Variants in TTC7A observed in about 807,000 individuals in gnomAD.
The protein encoded by TTC7A is tetratricopeptide repeat protein 7A.
In TTC7A, 110 loss-of-function variants were observed where a neutral mutation model predicts 103.7. That is an observed-to-expected ratio of 1.06 (90% CI 0.91 to 1.24). TTC7A has a LOEUF of 1.24. Ranked by LOEUF, TTC7A falls within the 50% of genes most tolerant of loss-of-function variation. TTC7A has a pLI of 0.00. For missense variants in TTC7A, 1,340 were observed against 1,116.3 expected (o/e 1.20, Z -2.86); for synonymous variants, 521 against 467.9 (o/e 1.11, Z -1.47).
At chr2:47,008,468 G>A (rs564961373) in intron 10 of TTC7A, among the ~76,000 whole-genome samples, 62 of 152,354 alleles carry the variant, frequency 4.1e-4, no homozygotes, top group African/African-American at 1.4e-3. Context: ...CAGCATCCAG[G>A]GAGCTGGTTT....
intron 18 of TTC7A, chr2:47,054,086 T>C (rs1683121990): frequency 1.0e-6 from 1 of 983,516 alleles, no homozygotes. Flanking sequence ...GTCATTGTCT[T>C]AGATATTCAC....
chr2:46,944,374 GTTTTTTTTTTTT>G (rs34191565), intron 1 of TTC7A, among the ~76,000 whole-genome samples: 1 of 88,944 alleles, frequency 1.1e-5, no homozygotes, highest in Non-Finnish European at 2.0e-5. Flanking sequence ...GGTATTTTGG[GTTTTTTTTTTTT>G]TTTTTTTTTT....
intron 8 of TTC7A, chr2:46,999,729 G>C (rs1676598839): frequency 2.0e-6 from 2 of 985,460 alleles, no homozygotes; most frequent in Middle Eastern, 5.2e-4. Flanking sequence ...GGAACTAGGA[G>C]ATACAGGAAT....
chr2:47,026,060 C>T (rs943553193), intron 14 of TTC7A, among the ~76,000 whole-genome samples: 1 of 152,220 alleles, frequency 6.6e-6, no homozygotes, highest in Non-Finnish European at 1.5e-5. Flanking sequence ...GCCAGGCCAG[C>T]GGAGCCAGTG....
chr2:46,953,807 CT>C (rs1671608105), intron 2 of TTC7A, among the ~76,000 whole-genome samples: 1 of 149,862 alleles, frequency 6.7e-6, no homozygotes, highest in Non-Finnish European at 1.5e-5. Context: ...ATTTCTTTTT[CT>C]TTCTTTCTTT....
chr2:46,963,320 G>C (rs774495979), intron 3 of TTC7A, among the ~76,000 whole-genome samples: 21 of 152,260 alleles, frequency 1.4e-4, no homozygotes, highest in Admixed American at 8.5e-4. Context: ...AGTGCTGCTT[G>C]TAAGGCTTAT....
At chr2:47,053,372 C>A (rs1056952240) in intron 18 of TTC7A, among the ~76,000 whole-genome samples, 1 of 152,336 alleles carries the variant, frequency 6.6e-6, no homozygotes, top group African/African-American at 2.4e-5. Context: ...CCCCAGCCCC[C>A]ACAGCTTCGC....
chr2:46,917,506 A>G (rs887839208), intron 2 of TTC7A, among the ~76,000 whole-genome samples: 2 of 152,184 alleles, frequency 1.3e-5, no homozygotes, highest in African/African-American at 2.4e-5. Context: ...TAGGCGCTCT[A>G]CTAGGAGCTA....
intron 8 of TTC7A, among the ~76,000 whole-genome samples, chr2:47,004,715 C>T (rs1408391528): frequency 6.6e-6 from 1 of 151,676 alleles, no homozygotes; most frequent in African/African-American, 2.4e-5. Flanking sequence ...CAGCATCTGC[C>T]CAGAACACAG....
intron 14 of TTC7A, among the ~76,000 whole-genome samples, chr2:47,028,074 C>T (rs766514397): frequency 8.5e-5 from 13 of 152,228 alleles, no homozygotes; most frequent in Middle Eastern, 3.4e-3. Flanking sequence ...GGAGAGGGGC[C>T]TCGGGTGTCT....
At chr2:46,961,183 G>A (rs11125103) in intron 3 of TTC7A, among the ~76,000 whole-genome samples, 1 of 151,958 alleles carries the variant, frequency 6.6e-6, no homozygotes, top group Non-Finnish European at 1.5e-5. Context: ...GTTCCCAGCC[G>A]ATTCCAGGTG....
intron 1 of TTC7A, among the ~76,000 whole-genome samples, chr2:46,947,829 G>C (rs1056709900): frequency 6.6e-6 from 1 of 152,164 alleles, no homozygotes; most frequent in African/African-American, 2.4e-5. Flanking sequence ...TTTAGTATTA[G>C]ATTTCAACAG....
intron 1 of TTC7A, among the ~76,000 whole-genome samples, chr2:46,943,227 G>A (rs1019861608): frequency 3.3e-5 from 5 of 152,072 alleles, no homozygotes; most frequent in African/African-American, 1.2e-4. Flanking sequence ...TTAAATTCTT[G>A]TAAACAACCC....
chr2:47,005,494 C>T (rs79562419), intron 8 of TTC7A, among the ~76,000 whole-genome samples: 5,891 of 152,204 alleles, frequency 0.039, 146 homozygotes, highest in Middle Eastern at 0.068. Flanking sequence ...GGTGGAGGGC[C>T]GCTTCCAGAT....
chr2:47,042,918 A>G (rs911117014), intron 15 of TTC7A, among the ~76,000 whole-genome samples: 1 of 152,116 alleles, frequency 6.6e-6, no homozygotes, highest in Non-Finnish European at 1.5e-5. Flanking sequence ...AGGCTTGCCT[A>G]CTCTATCCCC....
chr2:47,072,720 C>T (rs1250904212), intron 19 of TTC7A, among the ~76,000 whole-genome samples: 4 of 152,196 alleles, frequency 2.6e-5, no homozygotes, highest in Admixed American at 1.3e-4. Flanking sequence ...AAGGGCCCCC[C>T]GTGCTGTCAT....
chr2:47,046,730 C>T (rs966205868), intron 16 of TTC7A: 2 of 395,300 alleles, frequency 5.1e-6, no homozygotes, highest in Non-Finnish European at 9.2e-6. Flanking sequence ...TATCTTACAC[C>T]TCAGCTGCTT....
intron 1 of TTC7A, among the ~76,000 whole-genome samples, chr2:46,948,526 G>A (rs1002235278): frequency 1.6e-4 from 25 of 152,092 alleles, no homozygotes; most frequent in African/African-American, 5.8e-4. Context: ...CCTTCAGAAC[G>A]AAACCCCCCT....
rs575711103 is a variant in TTC7A, at chr2:47,066,631, C to T, written c.2355+5660C>T. Reference sequence around the variant, plus strand: ...GACAAGCAGCCCTGCGTTATGGGGGCGCTTGAGGGTTACTTTCCTCACTGG... The same window carrying T: ...GACAAGCAGCCCTGCGTTATGGGGGTGCTTGAGGGTTACTTTCCTCACTGG... On this transcript the variant is annotated intron_variant, in intron 19 of 19. Transcript: ENST00000319190. Among the ~76,000 whole-genome samples the T allele has an allele frequency of 3.0e-4, 46 of 152,328 alleles. No homozygotes were observed. In the South Asian group the frequency reaches 9.5e-3, roughly 32 times the overall value.
Sources: gnomAD v4.1 joint callset for allele counts (sites outside exome capture counted in the v4.1 genomes callset) on GRCh38, gnomAD v4.1.1 for gene constraint, MANE v1.5 for transcripts, NCBI Gene and HGNC (gene_info 2026-07-23, HGNC 2026-07-21) for gene names.